CACNB4: variants seen among roughly 807,000 people sequenced by gnomAD.
CACNB4 encodes calcium voltage-gated channel auxiliary subunit beta 4, also known as voltage-dependent L-type calcium channel subunit beta-4.
A neutral mutation model predicts 71.2 loss-of-function variants in CACNB4; 32 were observed. That is an observed-to-expected ratio of 0.45 (90% CI 0.34 to 0.60). The LOEUF (loss-of-function observed/expected upper bound fraction) is 0.60, where lower values mean the gene tolerates loss of function less well. CACNB4 is among the 20% of genes least tolerant of loss of function. CACNB4 has a pLI of 0.01. For missense variants in CACNB4, 464 were observed against 647.9 expected (o/e 0.72, Z 3.08); for synonymous variants, 231 against 236.9 (o/e 0.97, Z 0.23).
chr2:152,098,327 T>C lies in CACNB4; in HGVS notation c.147+3A>G, dbSNP rs768976112. 1.2e-6 allele frequency: 2 copies of C among 1,611,840 alleles called. No homozygotes were observed. The highest frequency in any genetic ancestry group is 1.7e-6 in the Non-Finnish European group (2 of 1,177,972). On this transcript the variant is annotated splice_donor_region_variant and intron_variant, in intron 2 of 13. Coordinates refer to ENST00000539935, the MANE Select transcript of CACNB4 (RefSeq NM_000726.5). This position sits in a 1 kb window ranked among gnomAD's most constrained non-coding sequence, Gnocchi z 5.3. ...ATCCTGGTCTCCCGCCTCCTTCTCA[T>C]ACCTGTCTGAGGATGAAGCTGGTCG...
chr2:151,870,144 G>T lies in CACNB4; in HGVS notation c.699+387C>A, dbSNP rs889136002. 2.1e-5 allele frequency: 13 copies of T among 631,884 alleles called. No individual in the cohort carries two copies. The Admixed American group carries it at 2.4e-4, about 12-fold the overall frequency. The allele number at this position is 631,884 out of a possible 1,614,324, so 39.1% of individuals were successfully genotyped here. A position where few individuals can be genotyped will look rare whatever the true frequency, so the allele number is the denominator to read the frequency against. ...GGTGAACTCTGTTTGGGCTTTAAAG[G>T]TTTGGGTTTGCTGGAAGATTGATTG... On this transcript the variant is annotated intron_variant, in intron 8 of 13. Transcript: ENST00000539935.
chr2:151,985,069 G>A (rs1681264200), intron 2 of CACNB4, among the ~76,000 whole-genome samples: 1 of 151,996 alleles, frequency 6.6e-6, no homozygotes, highest in South Asian at 2.1e-4. Context: ...GTATTTTTTT[G>A]CTGATTATAA....
intron 4 of CACNB4, among the ~76,000 whole-genome samples, chr2:151,877,588 C>T (rs986098853): frequency 2.0e-5 from 3 of 152,136 alleles, no homozygotes; most frequent in Non-Finnish European, 4.4e-5. Context: ...AAAAATTCCA[C>T]GATACTATCT....
intron 2 of CACNB4, among the ~76,000 whole-genome samples, chr2:152,091,711 G>A (rs1428785080): frequency 3.9e-5 from 6 of 152,078 alleles, no homozygotes; most frequent in Non-Finnish European, 5.9e-5. Context: ...CTCCCACTCC[G>A]CTGCTCTACT....
intron 2 of CACNB4, among the ~76,000 whole-genome samples, chr2:151,979,924 T>C (rs535146774): frequency 1.0e-3 from 154 of 152,280 alleles, no homozygotes; most frequent in South Asian, 4.4e-3. Flanking sequence ...GTGTCACTCA[T>C]GGAGCAGGGC....
At chr2:151,976,449 T>C (rs567809518) in intron 2 of CACNB4, among the ~76,000 whole-genome samples, 10 of 152,222 alleles carry the variant, frequency 6.6e-5, no homozygotes, top group Non-Finnish European at 1.2e-4. Context: ...GAAGTCACTT[T>C]TTTGGGGAAA....
intron 2 of CACNB4, among the ~76,000 whole-genome samples, chr2:151,955,758 C>T (rs886714654): frequency 2.0e-5 from 3 of 151,840 alleles, no homozygotes; most frequent in Non-Finnish European, 4.4e-5. Flanking sequence ...AAAAATTAGC[C>T]AGGTGTGGTG....
intron 2 of CACNB4, among the ~76,000 whole-genome samples, chr2:152,042,778 C>T (rs1251134255): frequency 6.6e-6 from 1 of 152,036 alleles, no homozygotes; most frequent in African/African-American, 2.4e-5. Context: ...AAGGCCGAGA[C>T]CTACTGGGCT....
At chr2:152,081,499 GA>G (rs559387809) in intron 2 of CACNB4, among the ~76,000 whole-genome samples, 105 of 147,336 alleles carry the variant, frequency 7.1e-4, no homozygotes, top group Middle Eastern at 3.4e-3. Context: ...AAAAGAAAAA[GA>G]AAAAAAAAAG....
At chr2:151,971,259 G>C (rs2099872460) in intron 2 of CACNB4, 1 of 549,870 alleles carries the variant, frequency 1.8e-6, no homozygotes, top group Non-Finnish European at 3.3e-6. Context: ...ATTGTCCCTA[G>C]GCAAGATGAT....
At chr2:152,007,748 G>A (rs1198068187) in intron 2 of CACNB4, among the ~76,000 whole-genome samples, 1 of 151,900 alleles carries the variant, frequency 6.6e-6, no homozygotes, top group Non-Finnish European at 1.5e-5. Context: ...AAGTGGAATT[G>A]CTGGATCATA....
At chr2:151,957,266 G>GTGTGTGTT (rs1560067375) in intron 2 of CACNB4, among the ~76,000 whole-genome samples, 1 of 149,934 alleles carries the variant, frequency 6.7e-6, no homozygotes, top group Non-Finnish European at 1.5e-5. Flanking sequence ...GCGTGTGTGT[G>GTGTGTGTT]TGTGTGTGTG....
intron 2 of CACNB4, among the ~76,000 whole-genome samples, chr2:151,998,570 T>A (rs1469528828): frequency 6.6e-6 from 1 of 152,106 alleles, no homozygotes; most frequent in African/African-American, 2.4e-5. Context: ...GAGGCTCAGA[T>A]GAAAGATGTG....
chr2:151,866,923 T>C (rs955620236), intron 9 of CACNB4: 1 of 150,454 alleles, frequency 6.6e-6, no homozygotes, highest in Non-Finnish European at 1.5e-5. Flanking sequence ...ACTTCAGTAG[T>C]ATGTGTACAG....
At chr2:152,000,773 C>G (rs1682347325) in intron 2 of CACNB4, among the ~76,000 whole-genome samples, 1 of 152,214 alleles carries the variant, frequency 6.6e-6, no homozygotes, top group African/African-American at 2.4e-5. Context: ...ACTCTCCCCT[C>G]CCAGCACTCA....
chr2:151,899,516 T>G (rs972024052), intron 2 of CACNB4, among the ~76,000 whole-genome samples: 1 of 152,214 alleles, frequency 6.6e-6, no homozygotes, highest in Non-Finnish European at 1.5e-5. Context: ...TCTGTACACA[T>G]AGTAGAGAAA....
chr2:152,023,209 C>G (rs561367210), intron 2 of CACNB4, among the ~76,000 whole-genome samples: 7 of 151,970 alleles, frequency 4.6e-5, no homozygotes, highest in Non-Finnish European at 8.8e-5. Context: ...CTCGTGATAA[C>G]TCACTATCAG....
At chr2:151,960,896 T>A (rs1198312498) in intron 2 of CACNB4, among the ~76,000 whole-genome samples, 1 of 152,246 alleles carries the variant, frequency 6.6e-6, no homozygotes, top group African/African-American at 2.4e-5. Flanking sequence ...TATAGAAATG[T>A]GCACATATCA....
At chr2:152,088,604 T>A (rs66782719) in intron 2 of CACNB4, among the ~76,000 whole-genome samples, 22,984 of 152,164 alleles carry the variant, frequency 0.15, 2,007 homozygotes, top group Middle Eastern at 0.29. Context: ...TCCATCAACA[T>A]AGAACAGAAA....
Sources: gnomAD v4.1 joint callset for allele counts (sites outside exome capture counted in the v4.1 genomes callset) on GRCh38, gnomAD v4.1.1 for gene constraint, Gnocchi (gnomAD v3.1) non-coding constraint, MANE v1.5 for transcripts, NCBI Gene and HGNC (gene_info 2026-07-23, HGNC 2026-07-21) for gene names.